The following TMEM65 variants were observed in gnomAD, a reference collection of about 807,000 sequenced individuals.
The protein encoded by TMEM65 is transmembrane protein 65.
Under a neutral mutation model 25.4 loss-of-function variants are expected in TMEM65, and 22 were observed. The observed-to-expected ratio is 0.86, with a 90% CI of 0.62 to 1.23. The LOEUF is 1.23. TMEM65 is among the 50% of genes most tolerant of loss of function. The probability of loss-of-function intolerance (pLI) is 0.00; values close to 1 mark genes in which losing one functional copy is unlikely to be tolerated. For synonymous variants in TMEM65, 132 were observed against 126.2 expected (o/e 1.05, Z -0.31); for missense variants, 262 against 308.2 (o/e 0.85, Z 1.12).
intron 6 of TMEM65, among the ~76,000 whole-genome samples, chr8:124,315,911 A>C (rs1814231737): frequency 6.6e-6 from 1 of 152,168 alleles, no homozygotes; most frequent in Middle Eastern, 3.2e-3. Context: ...ACTCATTTGA[A>C]TATATGCATA....
Position 124,323,307 on chromosome 8 carries a change from C to T in TMEM65, c.472+14G>A. ...GTGTACAATGAAATAATAACATTTA[C>T]TACTGTTAAATACCTGCCATAGTTG... On this transcript the variant is annotated intron_variant, in intron 4 of 6. Coordinates refer to ENST00000297632, the MANE Select transcript of TMEM65 (RefSeq NM_194291.3). The T allele has an allele frequency of 7.2e-7, 1 of 1,380,360 alleles. No individual in the cohort carries two copies. The highest frequency in any genetic ancestry group is 1.0e-6 in the Non-Finnish European group (1 of 994,634). The allele number at this position is 1,380,360 out of a possible 1,614,324, so 85.5% of individuals were successfully genotyped here.
chr8:124,364,610 T>TTTTTTTTA (rs1287987727), intron 1 of TMEM65, among the ~76,000 whole-genome samples: 2 of 152,210 alleles, frequency 1.3e-5, no homozygotes, highest in Non-Finnish European at 2.9e-5. Flanking sequence ...ATGCAATATG[T>TTTTTTTTA]TCAAATATTT....
At chr8:124,322,235 T>G (rs987150275) in intron 4 of TMEM65, 88 bp from the exon 5 acceptor site, 2 of 939,542 alleles carry the variant, frequency 2.1e-6, no homozygotes, top group Admixed American at 5.2e-5. Flanking sequence ...CTTGGAAGAG[T>G]TCTCATATTT....
chr8:124,328,627 A>C (rs889969244), intron 2 of TMEM65, among the ~76,000 whole-genome samples: 3 of 152,140 alleles, frequency 2.0e-5, no homozygotes, highest in African/African-American at 7.2e-5. Context: ...AGCTGGGAAT[A>C]GGTAAAAGAC....
intron 1 of TMEM65, among the ~76,000 whole-genome samples, chr8:124,343,461 GTTTAGGTC>G (rs1388646103): frequency 1.3e-5 from 2 of 152,084 alleles, no homozygotes; most frequent in Non-Finnish European, 2.9e-5. Flanking sequence ...AGAACCAGGA[GTTTAGGTC>G]TTTTGAAAAA....
chr8:124,341,753 C>G (rs1814585558), intron 1 of TMEM65, among the ~76,000 whole-genome samples: 1 of 151,890 alleles, frequency 6.6e-6, no homozygotes, highest in Admixed American at 6.6e-5. Flanking sequence ...TGACCTGTAA[C>G]CCTATTTTAA....
rs561812525 is a variant in TMEM65, at chr8:124,317,800, C to T, written c.621+2286G>A. On this transcript the variant is annotated intron_variant, in intron 6 of 6. Transcript: ENST00000297632. ...TGCCATCCTGCCAGCAGACTCATTCCCTTTCTCCCTTGCTGGCTCTGAAGA... is the reference window on the plus strand; with the variant it reads ...TGCCATCCTGCCAGCAGACTCATTCTCTTTCTCCCTTGCTGGCTCTGAAGA... 4.6e-5 allele frequency among the ~76,000 whole-genome samples: 7 copies of T among 152,228 alleles called. No individual in the cohort carries two copies. In the South Asian group the frequency reaches 1.5e-3, roughly 32 times the overall value.
intron 3 of TMEM65, 105 bp downstream of exon 3, chr8:124,327,249 A>G (rs1449214671): frequency 1.4e-6 from 1 of 728,882 alleles, no homozygotes. Flanking sequence ...ATCCTTGTTC[A>G]TTATGATATT....
chr8:124,315,367 G>C (rs982663188), intron 6 of TMEM65, among the ~76,000 whole-genome samples: 1 of 151,562 alleles, frequency 6.6e-6, no homozygotes, highest in Non-Finnish European at 1.5e-5. Context: ...TGTGGCCCAG[G>C]TTGGAGTGCA....
At chr8:124,341,963 A>G (rs760731640) in intron 1 of TMEM65, among the ~76,000 whole-genome samples, 2 of 152,050 alleles carry the variant, frequency 1.3e-5, no homozygotes, top group Non-Finnish European at 2.9e-5. Flanking sequence ...ATTAAATTAT[A>G]TGAGAAGTAT....
chr8:124,333,944 G>C (rs1369773953), intron 1 of TMEM65, among the ~76,000 whole-genome samples: 1 of 152,192 alleles, frequency 6.6e-6, no homozygotes, highest in Non-Finnish European at 1.5e-5. Context: ...AAAGGATAGA[G>C]TCAGAAAGGA....
rs149455196 is a variant in TMEM65 at position 124,363,073 on chromosome 8, G to A, written c.304+8781C>T. Among the ~76,000 whole-genome samples, 931 of 152,236 alleles carry A rather than the reference G, an allele frequency of 6.1e-3. 13 individuals carry two copies. The highest frequency in any genetic ancestry group is 0.021 in the African/African-American group (878 of 41,550). ...CTTTGATCCTATTTTGATTAAGTGC[G>A]TTAAATCTTTGACAAATTTGATGCA... On this transcript the variant is annotated intron_variant, in intron 1 of 6. Coordinates refer to ENST00000297632, the MANE Select transcript of TMEM65 (RefSeq NM_194291.3).
chr8:124,336,352 A>G lies in TMEM65; in HGVS notation c.305-5560T>C, dbSNP rs191013790. 2.0e-5 allele frequency among the ~76,000 whole-genome samples: 3 copies of G among 152,122 alleles called. No homozygotes were observed. The East Asian group carries it at 5.8e-4, about 29-fold the overall frequency. On this transcript the variant is annotated intron_variant, in intron 1 of 6. Coordinates refer to ENST00000297632, the MANE Select transcript of TMEM65 (RefSeq NM_194291.3). ...GATATAAACTTGAACACTACCAACT[A>G]TGTTGATCTAATTGATATTTATACA...
chr8:124,314,880 G>A (rs910021551), intron 6 of TMEM65, among the ~76,000 whole-genome samples: 10 of 148,666 alleles, frequency 6.7e-5, no homozygotes, highest in African/African-American at 2.5e-4. Context: ...TCCCTATGTT[G>A]CCCAGGCTGA....
At chr8:124,349,335 AT>A (rs33986478) in intron 1 of TMEM65, among the ~76,000 whole-genome samples, 4 of 151,558 alleles carry the variant, frequency 2.6e-5, no homozygotes, top group African/African-American at 4.8e-5. Context: ...CTTCAGATAC[AT>A]TTTTTTTAAA....
intron 1 of TMEM65, among the ~76,000 whole-genome samples, chr8:124,339,222 A>AAAAAAAATAT (rs1563594368): frequency 2.0e-4 from 4 of 19,896 alleles, no homozygotes; most frequent in African/African-American, 1.1e-3. Context: ...AAAAAAAAAA[A>AAAAAAAATAT]ATATATATAT....
rs1814154426 is a variant in TMEM65 at position 124,311,198 on chromosome 8, T to C, written c.*2762A>G. On this transcript the variant is annotated 3_prime_UTR_variant, in exon 7 of 7. Transcript: ENST00000297632. ...TTTCTATGGGCTCACTCTTCACTCATACGCTGATGTTGTATCTCAGGTGCA... is the reference window on the plus strand; with the variant it reads ...TTTCTATGGGCTCACTCTTCACTCACACGCTGATGTTGTATCTCAGGTGCA... 6.6e-6 allele frequency: 1 copy of C among 152,278 alleles called. No individual in the cohort carries two copies. The highest frequency in any genetic ancestry group is 1.5e-5 in the Non-Finnish European group (1 of 68,026). 9.4% of individuals were successfully genotyped at this position (152,278 alleles called of 1,614,324 possible). A position where few individuals can be genotyped will look rare whatever the true frequency, so the allele number is the denominator to read the frequency against.
chr8:124,371,913 G>T lies in TMEM65; in HGVS notation c.245C>A (p.Thr82Lys), dbSNP rs1157914494. 6.5e-7 allele frequency: 1 copy of T among 1,546,204 alleles called. No individual in the cohort carries two copies. ...CTCTTTGAGCAGGCAGCTCCTCTCC[G>T]TGGAGTGCAGGCTGTAGATGAAGTC... ...ARDFIYSLHS[T>K]ERSCLLKELH... Residue 82 changes from threonine to lysine, a missense_variant, in exon 1 of 7, where the codon ACG becomes AAG. Thr to Lys is a moderately conservative substitution (Grantham distance 78, BLOSUM62 -1). Transcript: ENST00000297632.
chr8:124,368,410 T>G (rs1294425843), intron 1 of TMEM65, among the ~76,000 whole-genome samples: 4 of 151,586 alleles, frequency 2.6e-5, no homozygotes, highest in African/African-American at 7.3e-5. Flanking sequence ...GCCTCAAAGA[T>G]GTACCCCCGA....
Sources: gnomAD v4.1 joint callset for allele counts (sites outside exome capture counted in the v4.1 genomes callset) on GRCh38, gnomAD v4.1.1 for gene constraint, MANE v1.5 for transcripts, NCBI Gene and HGNC (gene_info 2026-07-23, HGNC 2026-07-21) for gene names.